Variants in CABCOCO1 observed in about 807,000 individuals in gnomAD.
The protein encoded by CABCOCO1 is ciliary associated calcium binding coiled-coil 1.
A neutral mutation model predicts 35.7 loss-of-function variants in CABCOCO1; 28 were observed. The ratio of observed to expected loss-of-function variants is 0.78; its 90% confidence interval spans 0.58 to 1.07. CABCOCO1 has a LOEUF of 1.07. CABCOCO1 is among the 50% of genes least tolerant of loss of function. The pLI, the probability that CABCOCO1 is intolerant of heterozygous loss-of-function variation, is 0.00. For missense variants in CABCOCO1, 326 were observed against 309.2 expected, an observed-to-expected ratio of 1.05 and a Z score of -0.41; for synonymous variants, 95 against 100.1, an observed-to-expected ratio of 0.95 and a Z score of 0.30.
rs576365531 is a variant in CABCOCO1 at position 61,705,746 on chromosome 10, G to T, written c.552+15125G>T. Among the ~76,000 whole-genome samples the T allele has an allele frequency of 1.2e-4, 18 of 152,296 alleles. No homozygotes were observed. The East Asian group carries it at 3.3e-3, about 28-fold the overall frequency. On this transcript the variant is annotated intron_variant, in intron 5 of 7. Coordinates refer to ENST00000648843, the MANE Select transcript of CABCOCO1 (RefSeq NM_001366906.2). ...CAAACATGTAGTGCAAAGGGAAGTG[G>T]AGTTAGTTGAGCATTTACTGTATGC...
chr10:61,703,180 T>A (rs1263261260), intron 5 of CABCOCO1, among the ~76,000 whole-genome samples: 1 of 151,626 alleles, frequency 6.6e-6, no homozygotes, highest in Non-Finnish European at 1.5e-5. Flanking sequence ...AAGATTTGCA[T>A]GCCTGGTACA....
At chr10:61,740,121 TAA>T (rs1841517300) in intron 5 of CABCOCO1, among the ~76,000 whole-genome samples, 1 of 152,236 alleles carries the variant, frequency 6.6e-6, no homozygotes, top group Non-Finnish European at 1.5e-5. Flanking sequence ...GATGTGAATA[TAA>T]GTTTAGTTTT....
In CABCOCO1 at chr10:61,681,320, C is replaced by A. The variant is rs748464650; in HGVS notation, c.334+8C>A. ...CACTTCAAAATCTTAAAAGTAAGTACACTATTTTCCTTTGAAGTAAAACAA... is the reference window on the plus strand; with the variant it reads ...CACTTCAAAATCTTAAAAGTAAGTAAACTATTTTCCTTTGAAGTAAAACAA... On this transcript the variant is annotated splice_region_variant and intron_variant, in intron 3 of 7. Coordinates refer to ENST00000648843, the MANE Select transcript of CABCOCO1 (RefSeq NM_001366906.2). 2 of 1,508,394 alleles carry A rather than the reference C, an allele frequency of 1.3e-6. No individual in the cohort carries two copies. The highest frequency in any genetic ancestry group is 1.8e-6 in the Non-Finnish European group (2 of 1,106,842). 93.4% of individuals were successfully genotyped at this position (1,508,394 alleles called of 1,614,324 possible).
intron 5 of CABCOCO1, among the ~76,000 whole-genome samples, chr10:61,754,701 C>G (rs1188247015): frequency 2.0e-5 from 3 of 152,088 alleles, no homozygotes; most frequent in Non-Finnish European, 4.4e-5. Flanking sequence ...TTTACTGTGG[C>G]CTGCCAACTT....
At chr10:61,680,702 G>GTATAACATATTTATT (rs1839754514) in intron 2 of CABCOCO1, among the ~76,000 whole-genome samples, 1 of 81,172 alleles carries the variant, frequency 1.2e-5, no homozygotes, top group African/African-American at 5.4e-5. Context: ...ACATATATAT[G>GTATAACATATTTATT]TTATACATGT....
intron 5 of CABCOCO1, among the ~76,000 whole-genome samples, chr10:61,715,622 A>G (rs926512532): frequency 1.3e-5 from 2 of 152,090 alleles, no homozygotes; most frequent in Admixed American, 1.3e-4. Context: ...GGTCTTTACA[A>G]TTTGGCATGT....
intron 4 of CABCOCO1, among the ~76,000 whole-genome samples, chr10:61,688,009 G>C (rs977797253): frequency 6.6e-6 from 1 of 152,058 alleles, no homozygotes; most frequent in Non-Finnish European, 1.5e-5. Context: ...AAAGTTTAGC[G>C]GGGACTGAGA....
chr10:61,666,175 C>G (rs1264014754), intron 1 of CABCOCO1, among the ~76,000 whole-genome samples: 1 of 152,296 alleles, frequency 6.6e-6, no homozygotes, highest in East Asian at 1.9e-4. Context: ...AGACAACTCT[C>G]TCTACATTGG....
intron 5 of CABCOCO1, among the ~76,000 whole-genome samples, chr10:61,733,976 A>C (rs1406380508): frequency 2.0e-5 from 3 of 152,104 alleles, no homozygotes; most frequent in Non-Finnish European, 4.4e-5. Flanking sequence ...AAAAGTTTAG[A>C]CTATACACTC....
At chr10:61,670,345 GC>G (rs1474809766) in intron 1 of CABCOCO1, among the ~76,000 whole-genome samples, 2 of 151,794 alleles carry the variant, frequency 1.3e-5, no homozygotes, top group Admixed American at 6.6e-5. Flanking sequence ...ACTAGATGCA[GC>G]ATACTAAAAT....
chr10:61,710,644 CT>C (rs1489214185), intron 5 of CABCOCO1, among the ~76,000 whole-genome samples: 3 of 151,806 alleles, frequency 2.0e-5, no homozygotes, highest in Admixed American at 6.6e-5. Context: ...AAAGTGGATA[CT>C]TTTTTTAAAG....
At chr10:61,720,384 T>C (rs1439774311) in intron 5 of CABCOCO1, among the ~76,000 whole-genome samples, 1 of 152,214 alleles carries the variant, frequency 6.6e-6, no homozygotes, top group Non-Finnish European at 1.5e-5. Context: ...AAAAGAGATT[T>C]GAATTACATA....
rs1347616583 is a variant in CABCOCO1 at position 61,730,133 on chromosome 10, G to C, written c.553-29926G>C. ...CAAAACAAAACAATGAGCACTCTTA[G>C]CACCCAGCTCTTGGTTTCTAAATAC... On this transcript the variant is annotated intron_variant, in intron 5 of 7. Coordinates refer to ENST00000648843, the MANE Select transcript of CABCOCO1 (RefSeq NM_001366906.2). Among the ~76,000 whole-genome samples, 5 of 150,634 alleles carry C rather than the reference G, an allele frequency of 3.3e-5. No individual in the cohort carries two copies. The Admixed American group carries it at 3.3e-4, about 10-fold the overall frequency.
intron 5 of CABCOCO1, among the ~76,000 whole-genome samples, chr10:61,748,762 T>C (rs16916567): frequency 0.23 from 35,220 of 152,048 alleles, 4,179 homozygotes; most frequent in Middle Eastern, 0.29. Flanking sequence ...ACCACGAAAA[T>C]AGGTGCCTAA....
chr10:61,685,975 T>C, intron 3 of CABCOCO1, 66 bp from the exon 4 acceptor site: 1 of 1,419,368 alleles, frequency 7.0e-7, no homozygotes, highest in Non-Finnish European at 9.5e-7. Flanking sequence ...GAAAACATCT[T>C]GGATTATCTT....
chr10:61,663,586 A>T (rs1160402538), intron 1 of CABCOCO1, among the ~76,000 whole-genome samples: 1 of 151,678 alleles, frequency 6.6e-6, no homozygotes, highest in East Asian at 1.9e-4. Context: ...ACAAATAAAT[A>T]CAGGTGAAAG....
rs930846896 is a variant in CABCOCO1 at position 61,665,241 on chromosome 10, C to T, written c.60+2209C>T. Reference sequence around the variant, plus strand: ...GCATGCCAGGAAAGGTAGTTATCTACTCTATGAATTACTCTATGAGTTACT... The same window carrying T: ...GCATGCCAGGAAAGGTAGTTATCTATTCTATGAATTACTCTATGAGTTACT... On this transcript the variant is annotated intron_variant, in intron 1 of 7. Transcript: ENST00000648843. Among the ~76,000 whole-genome samples the T allele has an allele frequency of 3.3e-5, 5 of 152,146 alleles. No individual in the cohort carries two copies. In the East Asian group the frequency reaches 9.6e-4, roughly 29 times the overall value.
intron 5 of CABCOCO1, among the ~76,000 whole-genome samples, chr10:61,703,548 T>C (rs1157211566): frequency 6.6e-6 from 1 of 152,134 alleles, no homozygotes; most frequent in Non-Finnish European, 1.5e-5. Flanking sequence ...CTGGAGCAAC[T>C]CATGTTTCTT....
At chr10:61,746,416 A>G (rs1319854947) in intron 5 of CABCOCO1, among the ~76,000 whole-genome samples, 1 of 152,158 alleles carries the variant, frequency 6.6e-6, no homozygotes, top group Non-Finnish European at 1.5e-5. Context: ...CATCTGAACT[A>G]TGGTTCCCAG....
Sources: allele counts gnomAD v4.1 joint callset (sites outside exome capture counted in the v4.1 genomes callset), GRCh38; gene constraint gnomAD v4.1.1; transcripts MANE v1.5; gene names NCBI Gene and HGNC (gene_info 2026-07-23, HGNC 2026-07-21).